SLC24A3: variants seen among roughly 807,000 people sequenced by gnomAD.
The protein encoded by SLC24A3 is solute carrier family 24 member 3.
In SLC24A3, 28 loss-of-function variants were observed where a neutral mutation model predicts 75.8. The ratio of observed to expected loss-of-function variants is 0.37; its 90% CI spans 0.27 to 0.51. The LOEUF is 0.51. SLC24A3 is among the 20% of genes least tolerant of loss of function. SLC24A3 has a pLI of 0.94. For synonymous variants in SLC24A3, 372 were observed against 334.1 expected (o/e 1.11, Z -1.24); for missense variants, 663 against 847.8 (o/e 0.78, Z 2.71).
intron 3 of SLC24A3, among the ~76,000 whole-genome samples, chr20:19,537,136 G>T (rs977643152): frequency 1.3e-5 from 2 of 152,104 alleles, no homozygotes; most frequent in Non-Finnish European, 2.9e-5. Flanking sequence ...ACCTGACAAA[G>T]GGCTAATATC....
intron 10 of SLC24A3, 62 bp downstream of exon 10, chr20:19,682,053 GA>G: frequency 6.4e-7 from 1 of 1,555,436 alleles, no homozygotes; most frequent in Non-Finnish European, 8.8e-7. Flanking sequence ...AGGAGTTCAA[GA>G]CCAGCCTGGC....
chr20:19,503,799 A>T (rs986058147), intron 2 of SLC24A3, among the ~76,000 whole-genome samples: 1 of 152,214 alleles, frequency 6.6e-6, no homozygotes, highest in African/African-American at 2.4e-5. Flanking sequence ...CAAGCTAAAG[A>T]TTAAAGACGT....
At chr20:19,216,449 A>C (rs1021224668) in intron 1 of SLC24A3, among the ~76,000 whole-genome samples, 1 of 152,042 alleles carries the variant, frequency 6.6e-6, no homozygotes, top group African/African-American at 2.4e-5. Flanking sequence ...TCTCTTAAAA[A>C]ATTTTTTTTA....
At chr20:19,665,131 T>TGAG (rs1439739276) in intron 7 of SLC24A3, among the ~76,000 whole-genome samples, 1 of 152,232 alleles carries the variant, frequency 6.6e-6, no homozygotes, top group African/African-American at 2.4e-5. Flanking sequence ...TCCTAACTGA[T>TGAG]GAGTAAACCT....
intron 2 of SLC24A3, among the ~76,000 whole-genome samples, chr20:19,321,973 T>C (rs911772294): frequency 3.9e-5 from 6 of 152,208 alleles, no homozygotes; most frequent in Non-Finnish European, 7.3e-5. Flanking sequence ...TCTGAACTTG[T>C]CTGATTAACG....
At chr20:19,234,210 A>G (rs539713972) in intron 1 of SLC24A3, among the ~76,000 whole-genome samples, 15 of 152,254 alleles carry the variant, frequency 9.9e-5, no homozygotes, top group Non-Finnish European at 1.8e-4. Context: ...CAGCATCAGC[A>G]TCGCCCAGGT....
intron 2 of SLC24A3, among the ~76,000 whole-genome samples, chr20:19,313,715 A>G (rs981219679): frequency 6.6e-6 from 1 of 152,234 alleles, no homozygotes; most frequent in Admixed American, 6.5e-5. Flanking sequence ...TGCTGATTCC[A>G]TGTGGACATG....
At chr20:19,650,421 C>G (rs544787810) in intron 6 of SLC24A3, among the ~76,000 whole-genome samples, 1 of 152,294 alleles carries the variant, frequency 6.6e-6, no homozygotes, top group South Asian at 2.1e-4. Context: ...GCAACCCACT[C>G]TAGAAAGCTT....
chr20:19,583,118 C>T (rs2031242265), intron 4 of SLC24A3, among the ~76,000 whole-genome samples: 1 of 152,160 alleles, frequency 6.6e-6, no homozygotes, highest in Admixed American at 6.5e-5. Flanking sequence ...GGGCTCCTAG[C>T]TGCAGAGCAG....
chr20:19,445,786 G>A (rs567215045), intron 2 of SLC24A3, among the ~76,000 whole-genome samples: 10 of 152,266 alleles, frequency 6.6e-5, no homozygotes, highest in African/African-American at 2.4e-4. Context: ...GCAGAAATCA[G>A]ACAGATGGGT....
chr20:19,269,152 T>A (rs1318672136), intron 1 of SLC24A3, among the ~76,000 whole-genome samples: 2 of 152,226 alleles, frequency 1.3e-5, no homozygotes, highest in Non-Finnish European at 2.9e-5. Context: ...CTTCCAGTTG[T>A]ATAGTCTTAT....
At chr20:19,570,996 T>C (rs762680790) in intron 3 of SLC24A3, among the ~76,000 whole-genome samples, 11 of 152,100 alleles carry the variant, frequency 7.2e-5, no homozygotes, top group Non-Finnish European at 1.3e-4. Flanking sequence ...GTTAGAGCTG[T>C]AGACGTTCCT....
chr20:19,326,776 T>A (rs2122286333), intron 2 of SLC24A3, among the ~76,000 whole-genome samples: 2 of 152,172 alleles, frequency 1.3e-5, no homozygotes, highest in Middle Eastern at 3.4e-3. Context: ...AGCGACAAGG[T>A]CTCACTGTGT....
intron 2 of SLC24A3, among the ~76,000 whole-genome samples, chr20:19,379,438 A>AT (rs3215576): frequency 8.6e-5 from 13 of 151,718 alleles, no homozygotes; most frequent in East Asian, 3.9e-4. Context: ...GTGGGGTGCC[A>AT]TTTTTTTTAC....
chr20:19,665,887 C>T lies in SLC24A3; in HGVS notation c.711C>T (p.Ser237=), dbSNP rs868807688. The T allele has an allele frequency of 2.5e-6, 4 of 1,606,976 alleles. No homozygotes were observed. The African/African-American group carries it at 5.4e-5, about 22-fold the overall frequency. The part of the protein sequence containing the change: ...LIVFIYDEKV[S]WWESLVLVLM... ...AGTTTATTTATGATGAAAAAGTTTC[C>T]TGGTAAGTACCTCTCTTTCCCCTTC... is the stretch of plus-strand genomic sequence containing the variant. The change falls in exon 8 of 17, where the codon TCC becomes TCT. Residue 237 remains serine (S), a splice_region_variant and synonymous_variant. Coordinates refer to ENST00000328041, the MANE Select transcript of SLC24A3 (RefSeq NM_020689.4).
chr20:19,480,686 G>T (rs1471945635), intron 2 of SLC24A3, among the ~76,000 whole-genome samples: 3 of 152,070 alleles, frequency 2.0e-5, no homozygotes, highest in Non-Finnish European at 4.4e-5. Context: ...TCTCATGGTT[G>T]GGAGGGCAAC....
rs1462573463 is a variant in SLC24A3, at chr20:19,513,710, C to T, written c.272-1778C>T. On this transcript the variant is annotated intron_variant, in intron 2 of 16. Coordinates refer to ENST00000328041, the MANE Select transcript of SLC24A3 (RefSeq NM_020689.4). The stretch of plus-strand genomic sequence containing the variant: ...AAACTAGAGATTGTGATTGGCTAGA[C>T]ACACAGGTGGGTCTTGCTTTTTTTT... Among the ~76,000 whole-genome samples the T allele has an allele frequency of 1.5e-4, 22 of 147,122 alleles. No individual in the cohort carries two copies. In the Admixed American group the frequency reaches 1.5e-3, roughly 10 times the overall value.
intron 6 of SLC24A3, among the ~76,000 whole-genome samples, chr20:19,609,149 G>A (rs1458024963): frequency 2.0e-5 from 3 of 152,170 alleles, no homozygotes; most frequent in African/African-American, 7.2e-5. Context: ...AAAACTTGAT[G>A]AAACTCTTGA....
At chr20:19,404,934 T>A (rs1291109890) in intron 2 of SLC24A3, among the ~76,000 whole-genome samples, 5 of 152,076 alleles carry the variant, frequency 3.3e-5, no homozygotes, top group African/African-American at 1.2e-4. Flanking sequence ...AAAAGGCCAG[T>A]CAGTTTTTTT....
Sources: gnomAD v4.1 joint callset for allele counts (sites outside exome capture counted in the v4.1 genomes callset) on GRCh38, gnomAD v4.1.1 for gene constraint, MANE v1.5 for transcripts, NCBI Gene and HGNC (gene_info 2026-07-23, HGNC 2026-07-21) for gene names.